The following SYT1 variants were observed in gnomAD, a reference collection of about 807,000 sequenced individuals.
SYT1 encodes the protein synaptotagmin 1, also known as synaptotagmin-1.
Under a neutral mutation model 44.8 loss-of-function variants are expected in SYT1, and 8 were observed. The ratio of observed to expected loss-of-function variants is 0.18; its 90% CI spans 0.10 to 0.32. The LOEUF (loss-of-function observed/expected upper bound fraction) is 0.32, where lower values mean the gene tolerates loss of function less well. Ranked by LOEUF, SYT1 falls within the 10% of genes least tolerant of loss-of-function variation. The pLI is 1.00. For synonymous variants in SYT1, 154 were observed against 188.8 expected (o/e 0.82, Z 1.51); for missense variants, 286 against 509.3 (o/e 0.56, Z 4.22).
chr12:79,382,887 T>G (rs1301386561), intron 9 of SYT1, among the ~76,000 whole-genome samples: 2 of 152,264 alleles, frequency 1.3e-5, no homozygotes, highest in Non-Finnish European at 2.9e-5. Flanking sequence ...ATTTCTTGAC[T>G]GCTCATACAA....
chr12:79,144,244 A>G (rs1869737911), intron 3 of SYT1, among the ~76,000 whole-genome samples: 1 of 152,220 alleles, frequency 6.6e-6, no homozygotes, highest in South Asian at 2.1e-4. Flanking sequence ...TCAAAAGTGG[A>G]CAGGAAAAGC....
intron 4 of SYT1, among the ~76,000 whole-genome samples, chr12:79,249,627 G>A (rs896508555): frequency 1.3e-5 from 2 of 152,156 alleles, no homozygotes; most frequent in African/African-American, 2.4e-5. Flanking sequence ...CTAAGTACCT[G>A]CAGGAAGGAT....
intron 1 of SYT1, among the ~76,000 whole-genome samples, chr12:78,870,788 T>TA (rs1664038602): frequency 6.6e-6 from 1 of 152,050 alleles, no homozygotes; most frequent in Non-Finnish European, 1.5e-5. Context: ...ACTCCATGCC[T>TA]ACTGTGGGTA....
chr12:79,145,745 TTTTTTTTG>T (rs1004102975), intron 3 of SYT1, among the ~76,000 whole-genome samples: 10 of 130,402 alleles, frequency 7.7e-5, no homozygotes, highest in Non-Finnish European at 1.7e-4. Context: ...TGGTTTTTTT[TTTTTTTTG>T]TTTGTTTGTT....
intron 9 of SYT1, among the ~76,000 whole-genome samples, chr12:79,401,892 C>T (rs1354581802): frequency 6.6e-6 from 1 of 152,080 alleles, no homozygotes; most frequent in African/African-American, 2.4e-5. Context: ...TGGTCTCATA[C>T]TCCTGGGCTC....
chr12:78,925,835 C>A (rs1382679025), intron 1 of SYT1, among the ~76,000 whole-genome samples: 1 of 151,870 alleles, frequency 6.6e-6, no homozygotes, highest in Admixed American at 6.6e-5. Context: ...CATATGTGAA[C>A]AAAACTCTTC....
chr12:79,346,798 A>T (rs1207317915), intron 8 of SYT1, among the ~76,000 whole-genome samples: 1 of 152,212 alleles, frequency 6.6e-6, no homozygotes, highest in Admixed American at 6.5e-5. Flanking sequence ...ACCTCATTTC[A>T]ATACAGTCAA....
chr12:79,290,198 C>G (rs1488834517), intron 5 of SYT1, among the ~76,000 whole-genome samples: 1 of 152,158 alleles, frequency 6.6e-6, no homozygotes, highest in East Asian at 1.9e-4. Context: ...AAAGGGGAGG[C>G]ATCACTGACA....
chr12:79,303,018 G>T (rs561250406), intron 8 of SYT1, among the ~76,000 whole-genome samples: 3 of 152,200 alleles, frequency 2.0e-5, no homozygotes, highest in Admixed American at 2.0e-4. Context: ...CTACCAATAT[G>T]TATAGCCCCA....
intron 9 of SYT1, among the ~76,000 whole-genome samples, chr12:79,415,362 G>T (rs1437124610): frequency 6.6e-6 from 1 of 152,064 alleles, no homozygotes. Flanking sequence ...CATAATGCTG[G>T]TATAAAAGGG....
At chr12:79,146,366 T>C (rs1285516377) in intron 3 of SYT1, among the ~76,000 whole-genome samples, 3 of 152,208 alleles carry the variant, frequency 2.0e-5, no homozygotes, top group African/African-American at 7.2e-5. Flanking sequence ...TGTCAGGCTC[T>C]TTCCCTGTAC....
At chr12:79,175,829 A>G (rs574840286) in intron 3 of SYT1, among the ~76,000 whole-genome samples, 108 of 152,188 alleles carry the variant, frequency 7.1e-4, no homozygotes, top group African/African-American at 2.2e-3. Flanking sequence ...GAAACTGTAC[A>G]TTAATATTGC....
intron 3 of SYT1, among the ~76,000 whole-genome samples, chr12:79,173,132 G>GT (rs1245920080): frequency 2.0e-5 from 3 of 151,870 alleles, no homozygotes; most frequent in Non-Finnish European, 4.4e-5. Flanking sequence ...CCAACTAAGA[G>GT]GTAGAACAAA....
chr12:78,942,206 C>T (rs1878415396), intron 1 of SYT1, among the ~76,000 whole-genome samples: 1 of 152,132 alleles, frequency 6.6e-6, no homozygotes, highest in South Asian at 2.1e-4. Context: ...CTCTTTATGT[C>T]CTTTAAAATT....
chr12:79,431,841 C>T (rs1465868396), intron 9 of SYT1, among the ~76,000 whole-genome samples: 2 of 152,138 alleles, frequency 1.3e-5, no homozygotes, highest in South Asian at 2.1e-4. Flanking sequence ...CCATGACTGG[C>T]CCTTGAGCCA....
chr12:79,317,783 T>C (rs112618537), intron 8 of SYT1, among the ~76,000 whole-genome samples: 1 of 152,124 alleles, frequency 6.6e-6, no homozygotes, highest in Non-Finnish European at 1.5e-5. Context: ...AGTGCAGCAG[T>C]GCACCGCAGT....
chr12:79,272,709 G>T (rs1290114929), intron 4 of SYT1, among the ~76,000 whole-genome samples: 2 of 152,176 alleles, frequency 1.3e-5, no homozygotes, highest in East Asian at 3.9e-4. Flanking sequence ...ATGAGTGAAT[G>T]GGAAGATAAC....
chr12:79,259,596 T>C lies in SYT1; in HGVS notation c.167-26191T>C, dbSNP rs77395365. Among the ~76,000 whole-genome samples, 363 of 152,198 alleles carry C rather than the reference T, an allele frequency of 2.4e-3. 3 individuals are homozygous for C. The highest frequency in any genetic ancestry group is 8.5e-3 in the African/African-American group (354 of 41,552). ...AAAAAATAAAAATATTAGCCAGGCATTGTGTCATGCACCTGTGGTCCCAGC... is the reference window on the plus strand; with the variant it reads ...AAAAAATAAAAATATTAGCCAGGCACTGTGTCATGCACCTGTGGTCCCAGC... On this transcript the variant is annotated intron_variant, in intron 4 of 10. Coordinates refer to ENST00000261205, the MANE Select transcript of SYT1 (RefSeq NM_005639.3).
At chr12:79,330,278 G>A (rs74107419) in intron 8 of SYT1, among the ~76,000 whole-genome samples, 1 of 152,310 alleles carries the variant, frequency 6.6e-6, no homozygotes, top group African/African-American at 2.4e-5. Flanking sequence ...CTTAACAGAT[G>A]ATGCATAATA....
Sources: allele counts gnomAD v4.1 joint callset (sites outside exome capture counted in the v4.1 genomes callset), GRCh38; gene constraint gnomAD v4.1.1; transcripts MANE v1.5; gene names NCBI Gene and HGNC (gene_info 2026-07-23, HGNC 2026-07-21).